The following RPS6KA5 variants were observed in gnomAD, a reference collection of about 807,000 sequenced individuals.
The protein encoded by RPS6KA5 is ribosomal protein S6 kinase A5, also known as ribosomal protein S6 kinase alpha-5.
A neutral mutation model predicts 85.5 loss-of-function variants in RPS6KA5; 27 were observed. The observed-to-expected ratio is 0.32, with a 90% confidence interval of 0.23 to 0.44. The LOEUF (loss-of-function observed/expected upper bound fraction) is 0.44. Ranked by LOEUF, RPS6KA5 falls within the 20% of genes least tolerant of loss-of-function variation. The probability of loss-of-function intolerance (pLI) is 1.00; values close to 1 mark genes in which losing one functional copy is unlikely to be tolerated. For missense variants in RPS6KA5, 811 were observed against 980.9 expected, an observed-to-expected ratio of 0.83 and a Z score of 2.31; for synonymous variants, 334 against 348.2, an observed-to-expected ratio of 0.96 and a Z score of 0.46.
At chr14:90,899,880 TAAACTC>T (rs1362472793) in intron 11 of RPS6KA5, among the ~76,000 whole-genome samples, 17 of 152,164 alleles carry the variant, frequency 1.1e-4, no homozygotes, top group Non-Finnish European at 2.9e-5. Flanking sequence ...TTTCTCTAGA[TAAACTC>T]AAAAGCAAAT....
chr14:90,923,187 C>T lies in RPS6KA5; in HGVS notation c.628G>A (p.Ala210Thr). The change falls in exon 6 of 17, where the codon GCA (alanine) becomes ACA (threonine). Residue 210 changes from alanine to threonine, a missense_variant. Coordinates refer to ENST00000614987, the MANE Select transcript of RPS6KA5 (RefSeq NM_004755.4). ...TCAATAGTTCCACAAAAGGAATATG[C>T]TCTTTCAGTCTTGAACAAACAAACA... ...KEFVADETER[A>T]YSFCGTIEYM... is the part of the protein sequence containing the mutation. The T allele has an allele frequency of 6.2e-7, 1 of 1,611,764 alleles. No homozygotes were observed. Among genetic ancestry groups the T allele is most frequent in the Non-Finnish European group, 8.5e-7 (1 of 1,178,414 alleles).
At chr14:90,920,357 T>C (rs777189380) in intron 6 of RPS6KA5, 48 bp from the exon 7 acceptor site, 2 of 1,268,390 alleles carry the variant, frequency 1.6e-6, no homozygotes, top group South Asian at 2.7e-5. Context: ...AACTAAAATA[T>C]TTTATAAGAA....
At chr14:91,029,940 C>T (rs1202315095) in intron 1 of RPS6KA5, among the ~76,000 whole-genome samples, 1 of 152,098 alleles carries the variant, frequency 6.6e-6, no homozygotes, top group Non-Finnish European at 1.5e-5. Context: ...CATTCAATAA[C>T]CCACAAAGAC....
rs34604933 is a variant in RPS6KA5 at position 90,890,602 on chromosome 14, G to A, written c.1721C>T (p.Pro574Leu). Reference sequence around the variant, plus strand: ...TGGAGTCTTCAGGGGCTGATTATCCGGTGGCTTTAGCCGTGCAAATCCAAA... The same window carrying A: ...TGGAGTCTTCAGGGGCTGATTATCCAGTGGCTTTAGCCGTGCAAATCCAAA... Reference protein sequence around the residue: ...IDFGFARLKPPDNQPLKTPCF... With the variant: ...IDFGFARLKPLDNQPLKTPCF... The change falls in exon 14 of 17, where the codon CCG becomes CTG. Residue 574 changes from proline (P) to leucine (L), a missense_variant. By Grantham distance (98) the Pro-to-Leu change is moderately conservative. Coordinates refer to ENST00000614987, the MANE Select transcript of RPS6KA5 (RefSeq NM_004755.4). The A allele has an allele frequency of 2.8e-5, 45 of 1,613,926 alleles. No individual in the cohort carries two copies. The African/African-American group carries it at 3.5e-4, about 12-fold the overall frequency.
chr14:90,879,561 T>C (rs1315995149), intron 14 of RPS6KA5, among the ~76,000 whole-genome samples: 1 of 152,184 alleles, frequency 6.6e-6, no homozygotes, highest in Non-Finnish European at 1.5e-5. Flanking sequence ...AGAGAACTCA[T>C]GCTTCCTGGC....
intron 1 of RPS6KA5, among the ~76,000 whole-genome samples, chr14:91,050,384 T>C (rs1266319140): frequency 2.0e-5 from 3 of 152,014 alleles, no homozygotes; most frequent in Non-Finnish European, 2.9e-5. Flanking sequence ...TCTTCAAAAA[T>C]AACAAAAACA....
intron 1 of RPS6KA5, among the ~76,000 whole-genome samples, chr14:91,017,918 G>A (rs1000380550): frequency 6.6e-6 from 1 of 152,154 alleles, no homozygotes; most frequent in Non-Finnish European, 1.5e-5. Context: ...TACAGTGTTG[G>A]CTCAGGTGAC....
At chr14:90,941,956 T>G (rs2140351873) in intron 5 of RPS6KA5, among the ~76,000 whole-genome samples, 1 of 152,242 alleles carries the variant, frequency 6.6e-6, no homozygotes, top group Admixed American at 6.5e-5. Context: ...AAAATCAAAT[T>G]TAGAAGTAAA....
At chr14:90,924,587 G>C (rs2036564425) in intron 5 of RPS6KA5, among the ~76,000 whole-genome samples, 1 of 152,146 alleles carries the variant, frequency 6.6e-6, no homozygotes, top group Admixed American at 6.5e-5. Flanking sequence ...CAACCTATTT[G>C]ACATTTATGC....
rs1226099402 is a variant in RPS6KA5, at chr14:90,890,650, T to C, written c.1673A>G (p.Asn558Ser). ...AAAATCAATTATTTTAATTTCCAAA[T>C]TGTCATTTTCATCGGTGAACAATAA... is the stretch of plus-strand genomic sequence containing the variant. ...ENLLFTDEND[N>S]LEIKIIDFGF... Residue 558 changes from asparagine (N) to serine (S), a missense_variant, in exon 14 of 17, where the codon AAT (asparagine) becomes AGT (serine). Physicochemically the swap from Asn to Ser is conservative, Grantham distance 46. Transcript: ENST00000614987. The C allele has an allele frequency of 8.1e-6, 13 of 1,613,976 alleles. No individual in the cohort carries two copies. In the South Asian group the frequency reaches 1.1e-4, roughly 14 times the overall value.
intron 2 of RPS6KA5, among the ~76,000 whole-genome samples, chr14:90,993,014 T>C (rs2040372431): frequency 6.6e-6 from 1 of 152,250 alleles, no homozygotes; most frequent in Non-Finnish European, 1.5e-5. Context: ...CAGTATGCTT[T>C]AGACTGTTTG....
chr14:91,053,297 A>G (rs1027059130), intron 1 of RPS6KA5, among the ~76,000 whole-genome samples: 1 of 152,096 alleles, frequency 6.6e-6, no homozygotes, highest in Non-Finnish European at 1.5e-5. Flanking sequence ...AGGATCAGGA[A>G]TAAGACAAGG....
intron 2 of RPS6KA5, among the ~76,000 whole-genome samples, chr14:90,994,183 A>G (rs2040419965): frequency 6.6e-6 from 1 of 151,914 alleles, no homozygotes; most frequent in Non-Finnish European, 1.5e-5. Flanking sequence ...CCTATCCTCT[A>G]TATCTTAATA....
intron 13 of RPS6KA5, among the ~76,000 whole-genome samples, chr14:90,892,129 C>T (rs2034600120): frequency 6.6e-6 from 1 of 151,762 alleles, no homozygotes; most frequent in Non-Finnish European, 1.5e-5. Context: ...CTCCCAAGTA[C>T]CTGGGATTAC....
chr14:90,988,357 T>C (rs562032428), intron 2 of RPS6KA5, among the ~76,000 whole-genome samples: 47 of 152,302 alleles, frequency 3.1e-4, no homozygotes, highest in Admixed American at 9.8e-4. Context: ...TCCCCAATAA[T>C]AGCTAAAACT....
At position 91,001,118 on chromosome 14, in the gene RPS6KA5, A is replaced by C; in HGVS notation, c.145T>G (p.Phe49Val). 1 of 1,603,086 alleles carries C rather than the reference A, an allele frequency of 6.2e-7. No homozygotes were observed. Among genetic ancestry groups the C allele is most frequent in the Non-Finnish European group, 8.5e-7 (1 of 1,174,844 alleles). ...GTTCCTAGGACCTTCAGGAGCTCAA[A>C]ATTTTCTATTCCCACCTTCTCAGCA... The part of the protein sequence containing the change: ...GHAEKVGIEN[F>V]ELLKVLGTGA... The change falls in exon 2 of 17, where the codon TTT (phenylalanine) becomes GTT (valine). Residue 49 changes from phenylalanine (F) to valine (V), a missense_variant. Transcript: ENST00000614987.
intron 3 of RPS6KA5, among the ~76,000 whole-genome samples, chr14:90,957,763 T>G (rs2038598597): frequency 6.6e-6 from 1 of 152,188 alleles, no homozygotes; most frequent in South Asian, 2.1e-4. Context: ...TTAAGCTTGT[T>G]GCTCTAATGG....
chr14:90,884,727 T>G (rs757864736), intron 14 of RPS6KA5, among the ~76,000 whole-genome samples: 1 of 152,242 alleles, frequency 6.6e-6, no homozygotes, highest in Non-Finnish European at 1.5e-5. Flanking sequence ...CTATTGTTGA[T>G]GAACATTGGG....
chr14:91,027,696 T>TC (rs2042035345), intron 1 of RPS6KA5, among the ~76,000 whole-genome samples: 1 of 152,224 alleles, frequency 6.6e-6, no homozygotes, highest in Non-Finnish European at 1.5e-5. Context: ...TTACATGTCT[T>TC]CTTCACTACA....
Sources: gnomAD v4.1 joint callset for allele counts (sites outside exome capture counted in the v4.1 genomes callset) on GRCh38, gnomAD v4.1.1 for gene constraint, MANE v1.5 for transcripts, NCBI Gene and HGNC (gene_info 2026-07-23, HGNC 2026-07-21) for gene names.